Variants in LIMD1 observed in about 807,000 individuals in gnomAD.
LIMD1 encodes LIM domain containing 1, also known as LIM domain-containing protein 1.
A neutral mutation model predicts 58.4 loss-of-function variants in LIMD1; 23 were observed. That is an observed-to-expected ratio of 0.39 (90% CI 0.28 to 0.56). The LOEUF (loss-of-function observed/expected upper bound fraction) is 0.56, where lower values mean the gene tolerates loss of function less well. Among genes scored for constraint, LIMD1 ranks in the 20% least tolerant of loss-of-function variants. The pLI, the probability that LIMD1 is intolerant of heterozygous loss-of-function variation, is 0.57. For synonymous variants in LIMD1, 334 were observed against 345.5 expected, an observed-to-expected ratio of 0.97 and a Z score of 0.37; for missense variants, 838 against 855.5, an observed-to-expected ratio of 0.98 and a Z score of 0.25.
chr3:45,671,705 CAG>C (rs1697587330), intron 4 of LIMD1, among the ~76,000 whole-genome samples: 1 of 152,170 alleles, frequency 6.6e-6, no homozygotes, highest in African/African-American at 2.4e-5. Flanking sequence ...GCCTTACCCC[CAG>C]AGTTTCTGAT....
chr3:45,671,629 G>A (rs757714904), intron 4 of LIMD1, among the ~76,000 whole-genome samples: 2 of 152,184 alleles, frequency 1.3e-5, no homozygotes, highest in Non-Finnish European at 2.9e-5. Context: ...CTCAGTTCGA[G>A]TTAAACCAAT....
intron 1 of LIMD1, among the ~76,000 whole-genome samples, chr3:45,607,610 A>G (rs188489295): frequency 2.2e-3 from 332 of 152,218 alleles, no homozygotes; most frequent in Middle Eastern, 6.8e-3. Context: ...TGCATTTAGC[A>G]TGGGTCCTCC....
At position 45,596,279 on chromosome 3, in the gene LIMD1, A is replaced by G. The variant is rs1291973435; in HGVS notation, c.1400A>G (p.Asp467Gly). ...EREMDAHPKA[D>G]YFGACVKCSK... ...GAGATGGATGCTCACCCGAAGGCTG[A>G]TTACTTTGGTGAGTGAGAGGCTGGT... The change falls in exon 1 of 8, where the codon GAT (aspartate) becomes GGT (glycine). Residue 467 changes from aspartate (D) to glycine (G), a missense_variant. Asp to Gly is a moderately conservative substitution (Grantham distance 94). Coordinates refer to ENST00000273317, the MANE Select transcript of LIMD1 (RefSeq NM_014240.3). 9 of 1,598,764 alleles carry G rather than the reference A, an allele frequency of 5.6e-6. No homozygotes were observed. Among genetic ancestry groups the G allele is most frequent in the Non-Finnish European group, 6.8e-6 (8 of 1,172,878 alleles).
chr3:45,664,728 G>T (rs1170888198), intron 2 of LIMD1, among the ~76,000 whole-genome samples: 3 of 152,242 alleles, frequency 2.0e-5, no homozygotes, highest in Non-Finnish European at 4.4e-5. Context: ...GGCGAGGGCA[G>T]CCAGTGTTCG....
At chr3:45,675,109 ACACTGAAGAAATG>A (rs1046079700) in intron 7 of LIMD1, among the ~76,000 whole-genome samples, 2 of 152,208 alleles carry the variant, frequency 1.3e-5, no homozygotes, top group African/African-American at 4.8e-5. Context: ...CCCACTGCCA[ACACTGAAGAAATG>A]GGTGGGAATC....
chr3:45,672,837 G>A lies in LIMD1; in HGVS notation c.1772+17G>A, dbSNP rs2125670635. On this transcript the variant is annotated intron_variant, in intron 5 of 7. Transcript: ENST00000273317. ...TTACCACAAGTAAGAAGGGATGGGA[G>A]CAGACAGGACCCATTCGTGTAGGCC... 2 of 1,612,922 alleles carry A rather than the reference G, an allele frequency of 1.2e-6. No homozygotes were observed. Among genetic ancestry groups the A allele is most frequent in the African/African-American group, 2.7e-5 (2 of 75,002 alleles).
At chr3:45,661,543 TA>T (rs1395501610) in intron 2 of LIMD1, among the ~76,000 whole-genome samples, 1 of 152,250 alleles carries the variant, frequency 6.6e-6, no homozygotes, top group East Asian at 1.9e-4. Context: ...GGAACTAGGA[TA>T]AATTCCTGAA....
chr3:45,686,059 C>G lies in LIMD1; in HGVS notation c.*9000C>G, dbSNP rs1370302018. 2 of 152,202 alleles carry G rather than the reference C, an allele frequency of 1.3e-5. No individual in the cohort carries two copies. Among genetic ancestry groups the G allele is most frequent in the Non-Finnish European group, 2.9e-5 (2 of 68,036 alleles). The allele number at this position is 152,202 out of a possible 1,614,324, so 9.4% of individuals were successfully genotyped here. ...ACTGTGGCAAGCTATATCCGCAATTCCCAGGAATTCGTCTGATTGATAACG... is the reference window on the plus strand; with the variant it reads ...ACTGTGGCAAGCTATATCCGCAATTGCCAGGAATTCGTCTGATTGATAACG... On this transcript the variant is annotated 3_prime_UTR_variant, in exon 8 of 8. Transcript: ENST00000273317.
chr3:45,671,392 C>T (rs930738160), intron 4 of LIMD1, among the ~76,000 whole-genome samples: 2 of 152,224 alleles, frequency 1.3e-5, no homozygotes, highest in Non-Finnish European at 2.9e-5. Context: ...TCCAAAATCC[C>T]CTTTCTTCAG....
chr3:45,628,564 T>G (rs941966249), intron 1 of LIMD1, among the ~76,000 whole-genome samples: 1 of 152,256 alleles, frequency 6.6e-6, no homozygotes, highest in Non-Finnish European at 1.5e-5. Context: ...CTGGTAGGAA[T>G]GTAAAATGAT....
At chr3:45,603,913 C>T (rs957945447) in intron 1 of LIMD1, among the ~76,000 whole-genome samples, 2 of 152,084 alleles carry the variant, frequency 1.3e-5, no homozygotes, top group African/African-American at 4.8e-5. Context: ...AAAGTGAACC[C>T]ATCTGTGTAG....
rs1285435623 is a variant in LIMD1 at position 45,681,263 on chromosome 3, A to G, written c.*4204A>G. 1 of 152,186 alleles carries G rather than the reference A, an allele frequency of 6.6e-6. No individual in the cohort carries two copies. The highest frequency in any genetic ancestry group is 6.5e-5 in the Admixed American group (1 of 15,268). The allele number at this position is 152,186 out of a possible 1,614,324, so 9.4% of individuals were successfully genotyped here. ...ACTATTAAAGTGCTCCTTGAACATT[A>G]TATTTCCTGGGTCTTTTCTGTGTGT... On this transcript the variant is annotated 3_prime_UTR_variant, in exon 8 of 8. Transcript: ENST00000273317.
chr3:45,600,468 C>A (rs1701400385), intron 1 of LIMD1, among the ~76,000 whole-genome samples: 1 of 151,942 alleles, frequency 6.6e-6, no homozygotes, highest in Non-Finnish European at 1.5e-5. Context: ...AAAATAGGAT[C>A]CTACAGAGGC....
chr3:45,682,369 G>A lies in LIMD1; in HGVS notation c.*5310G>A, dbSNP rs996689278. 15 of 152,246 alleles carry A rather than the reference G, an allele frequency of 9.9e-5. No homozygotes were observed. The highest frequency in any genetic ancestry group is 3.6e-4 in the African/African-American group (15 of 41,458). 9.4% of individuals were successfully genotyped at this position (152,246 alleles called of 1,614,324 possible). A position where few individuals can be genotyped will look rare whatever the true frequency, so the allele number is the denominator to read the frequency against. On this transcript the variant is annotated 3_prime_UTR_variant, in exon 8 of 8. Coordinates refer to ENST00000273317, the MANE Select transcript of LIMD1 (RefSeq NM_014240.3). ...ATATGGAGTGTTTGCTGATACCTAT[G>A]ATGTAAATATTCCCGCCATGGCCAC...
In LIMD1 at chr3:45,673,461, GC is replaced by G; in HGVS notation, c.1785del (p.Lys596SerfsTer64). ...CTTTGTTTCTCCCCACAGGGTGCTG[GC>G]CCCCAAGTGTGCAGCCTGTGGGCTT... ...YCVRDYHKVLAPKCAACGLPI... is the reference protein window; with the variant it reads ...YCVRDYHKVLXPKCAACGLPI... On this transcript the variant is annotated frameshift_variant, in exon 6 of 8. Coordinates refer to ENST00000273317, the MANE Select transcript of LIMD1 (RefSeq NM_014240.3). LOFTEE classifies it high-confidence loss of function. 1 of 1,613,828 alleles carries G rather than the reference GC, an allele frequency of 6.2e-7. No individual in the cohort carries two copies. The highest frequency in any genetic ancestry group is 8.5e-7 in the Non-Finnish European group (1 of 1,179,794).
intron 1 of LIMD1, among the ~76,000 whole-genome samples, chr3:45,627,684 T>C (rs1480955897): frequency 7.9e-6 from 1 of 126,200 alleles, no homozygotes; most frequent in Non-Finnish European, 1.6e-5. Flanking sequence ...AGGGACTGGA[T>C]GAACCTCCTG....
chr3:45,651,725 C>T (rs1443420871), intron 2 of LIMD1, among the ~76,000 whole-genome samples: 1 of 152,038 alleles, frequency 6.6e-6, no homozygotes, highest in Non-Finnish European at 1.5e-5. Flanking sequence ...CTCCACCTCC[C>T]GGGTTCAAGC....
intron 1 of LIMD1, among the ~76,000 whole-genome samples, chr3:45,608,685 CA>C (rs1319187348): frequency 2.0e-5 from 3 of 151,802 alleles, no homozygotes; most frequent in African/African-American, 7.3e-5. Flanking sequence ...ACTAAAAATA[CA>C]AAAATTAGCT....
chr3:45,624,120 G>T (rs1035343989), intron 1 of LIMD1, among the ~76,000 whole-genome samples: 3 of 152,192 alleles, frequency 2.0e-5, no homozygotes, highest in African/African-American at 7.2e-5. Context: ...AAAGAGCCTT[G>T]CTCAAGCTGT....
Sources: gnomAD v4.1 joint callset for allele counts (sites outside exome capture counted in the v4.1 genomes callset) on GRCh38, gnomAD v4.1.1 for gene constraint, MANE v1.5 for transcripts, NCBI Gene and HGNC (gene_info 2026-07-23, HGNC 2026-07-21) for gene names.